TXNRD3: variants seen among roughly 807,000 people sequenced by gnomAD.
TXNRD3 encodes thioredoxin reductase 3, also known as TXNRD3 neighbor gene protein.
TXNRD3 carries 68 observed loss-of-function variants against 78.2 expected under a neutral mutation model. The ratio of observed to expected loss-of-function variants is 0.87; its 90% confidence interval spans 0.72 to 1.06. The LOEUF (loss-of-function observed/expected upper bound fraction) is 1.06. TXNRD3 is among the 50% of genes least tolerant of loss of function. TXNRD3 has a pLI of 0.00. For missense variants in TXNRD3, 751 were observed against 809.5 expected, an observed-to-expected ratio of 0.93 and a Z score of 0.88; for synonymous variants, 296 against 300.1, an observed-to-expected ratio of 0.99 and a Z score of 0.14.
chr3:126,615,086 TG>T (rs893811213), intron 13 of TXNRD3, among the ~76,000 whole-genome samples: 6 of 152,242 alleles, frequency 3.9e-5, no homozygotes, highest in African/African-American at 1.4e-4. Context: ...TGAGCTTCCT[TG>T]TACAAGTTTG....
At chr3:126,638,775 A>G (rs527557308) in intron 6 of TXNRD3, among the ~76,000 whole-genome samples, 1 of 152,194 alleles carries the variant, frequency 6.6e-6, no homozygotes, top group African/African-American at 2.4e-5. Context: ...TATAGGGGGA[A>G]CTTTGAGGAA....
chr3:126,642,253 G>A, intron 5 of TXNRD3, 102 bp from the exon 6 acceptor site: 4 of 1,350,204 alleles, frequency 3.0e-6, no homozygotes, highest in South Asian at 3.4e-5. Context: ...CTCAATGGTG[G>A]GGGGGATGAC....
At position 126,607,909 on chromosome 3, in the gene TXNRD3, C is replaced by A; in HGVS notation, c.1928G>T (p.Gly643Val). The A allele has an allele frequency of 6.6e-7, 1 of 1,514,208 alleles. No homozygotes were observed. The highest frequency in any genetic ancestry group is 8.9e-7 in the Non-Finnish European group (1 of 1,129,838). The allele number at this position is 1,514,208 out of a possible 1,614,324, so 93.8% of individuals were successfully genotyped here. A position where few individuals can be genotyped will look rare whatever the true frequency, so the allele number is the denominator to read the frequency against. Residue 643 changes from glycine to valine, a missense_variant, in exon 16 of 16, where the codon GGC (glycine) becomes GTC (valine). Physicochemically the swap from Gly to Val is moderately radical, Grantham distance 109. Transcript: ENST00000524230. ...GAGAACTAAACAGCAGCAGGCCTAG[C>A]CTCAGCAGCCTTTCTGAGTGATGTC...
intron 6 of TXNRD3, among the ~76,000 whole-genome samples, chr3:126,641,170 A>C (rs1171628813): frequency 1.9e-4 from 29 of 152,156 alleles, no homozygotes; most frequent in Non-Finnish European, 4.4e-5. Flanking sequence ...TATGGCACAC[A>C]TATTCCAGCT....
intron 9 of TXNRD3, among the ~76,000 whole-genome samples, chr3:126,630,031 G>C (rs1411026139): frequency 6.6e-6 from 1 of 152,188 alleles, no homozygotes; most frequent in African/African-American, 2.4e-5. Flanking sequence ...AGTGAAGAGG[G>C]ACCCAGAGGA....
At chr3:126,626,938 AT>A (rs1938592580) in intron 10 of TXNRD3, among the ~76,000 whole-genome samples, 1 of 152,054 alleles carries the variant, frequency 6.6e-6, no homozygotes, top group Non-Finnish European at 1.5e-5. Context: ...AAAAAAAAAA[AT>A]TAGCCAGGCA....
chr3:126,610,568 G>A (rs1576278536), intron 14 of TXNRD3, among the ~76,000 whole-genome samples: 1 of 152,262 alleles, frequency 6.6e-6, no homozygotes, highest in South Asian at 2.1e-4. Context: ...TCCATCTAAA[G>A]ACTTTTGACA....
At chr3:126,649,898 G>GA (rs1933331441) in intron 1 of TXNRD3, among the ~76,000 whole-genome samples, 1 of 152,190 alleles carries the variant, frequency 6.6e-6, no homozygotes, top group Non-Finnish European at 1.5e-5. Flanking sequence ...TTGGGAAGAT[G>GA]AAAAAGTTCT....
chr3:126,651,838 C>G (rs980988544), intron 1 of TXNRD3, among the ~76,000 whole-genome samples: 1 of 152,036 alleles, frequency 6.6e-6, no homozygotes, highest in African/African-American at 2.4e-5. Flanking sequence ...AAGTAGACGT[C>G]AAGAATGTAG....
intron 4 of TXNRD3, 83 bp from the exon 5 acceptor site, chr3:126,644,136 G>T: frequency 1.4e-6 from 2 of 1,450,404 alleles, no homozygotes; most frequent in Non-Finnish European, 1.9e-6. Flanking sequence ...TTCCGTAAAA[G>T]ACTGTTTTTG....
intron 1 of TXNRD3, among the ~76,000 whole-genome samples, chr3:126,652,012 T>C (rs1323891350): frequency 1.3e-5 from 2 of 152,228 alleles, no homozygotes; most frequent in Non-Finnish European, 2.9e-5. Context: ...AGTTAATGAA[T>C]AGATCCTTGT....
In TXNRD3 at chr3:126,655,097, G is replaced by A. The variant is rs765079022; in HGVS notation, c.-107C>T. ...GGGGCGGCGAACGCTGCCCTCGCTGGCCACTCTCACCACCCGCGCGAATCC... is the reference window on the plus strand; with the variant it reads ...GGGGCGGCGAACGCTGCCCTCGCTGACCACTCTCACCACCCGCGCGAATCC... On this transcript the variant is annotated 5_prime_UTR_variant, in exon 1 of 16. Coordinates refer to ENST00000524230, the MANE Select transcript of TXNRD3 (RefSeq NM_052883.3). 6.1e-6 allele frequency: 8 copies of A among 1,303,438 alleles called. No individual in the cohort carries two copies. In the South Asian group the frequency reaches 1.6e-4, roughly 27 times the overall value. The allele number at this position is 1,303,438 out of a possible 1,614,324, so 80.7% of individuals were successfully genotyped here. A position where few individuals can be genotyped will look rare whatever the true frequency, so the allele number is the denominator to read the frequency against.
chr3:126,654,946 G>C lies in TXNRD3; in HGVS notation c.45C>G (p.Gly15=). 2.3e-6 allele frequency: 3 copies of C among 1,295,852 alleles called. No individual in the cohort carries two copies. The highest frequency in any genetic ancestry group is 2.9e-6 in the Non-Finnish European group (3 of 1,027,636). The allele number at this position is 1,295,852 out of a possible 1,614,324, so 80.3% of individuals were successfully genotyped here. The change falls in exon 1 of 16, where the codon GGC becomes GGG. Residue 15 remains glycine (G), a synonymous_variant. Transcript: ENST00000524230. ...GGCCCGAGCGGCGGTTGGGGGCATC[G>C]CCCGCCTTTCCCGGCCCGGGCGACT...
chr3:126,645,050 C>T (rs746865171), intron 3 of TXNRD3, among the ~76,000 whole-genome samples: 2 of 152,238 alleles, frequency 1.3e-5, no homozygotes, highest in Non-Finnish European at 2.9e-5. Flanking sequence ...TGCTCACTCC[C>T]ATTACCTTGG....
intron 9 of TXNRD3, 71 bp downstream of exon 9, chr3:126,630,641 A>G (rs1938687529): frequency 7.2e-7 from 1 of 1,387,040 alleles, no homozygotes; most frequent in Non-Finnish European, 9.8e-7. Context: ...TAATTTATGT[A>G]ATGAAATGAA....
At position 126,614,489 on chromosome 3, in the gene TXNRD3, C is replaced by CA. The variant is rs574449718; in HGVS notation, c.1632+865dup. Reference sequence around the variant, plus strand: ...ACTATCATCAATTTTCCAAGACCCACATAAAGACCAACCAATGCAAAAAGG... The same window carrying CA: ...ACTATCATCAATTTTCCAAGACCCACAATAAAGACCAACCAATGCAAAAAGG... On this transcript the variant is annotated intron_variant, in intron 13 of 15. Coordinates refer to ENST00000524230, the MANE Select transcript of TXNRD3 (RefSeq NM_052883.3). Among the ~76,000 whole-genome samples the CA allele has an allele frequency of 3.3e-3, 509 of 152,260 alleles. 5 individuals are homozygous for CA. The highest frequency in any genetic ancestry group is 0.012 in the African/African-American group (489 of 41,550).
intron 3 of TXNRD3, among the ~76,000 whole-genome samples, chr3:126,645,404 TA>T (rs1428247551): frequency 1.3e-5 from 2 of 152,228 alleles, no homozygotes; most frequent in Admixed American, 1.3e-4. Context: ...CTATGTGAAC[TA>T]GGTTATAAAT....
intron 5 of TXNRD3, among the ~76,000 whole-genome samples, chr3:126,643,773 T>A (rs1485919626): frequency 1.3e-5 from 2 of 152,138 alleles, no homozygotes; most frequent in Non-Finnish European, 2.9e-5. Flanking sequence ...TCTCACTATA[T>A]TTCCGGGCTA....
chr3:126,649,294 T>C (rs1172124121), intron 1 of TXNRD3, among the ~76,000 whole-genome samples: 1 of 152,216 alleles, frequency 6.6e-6, no homozygotes, highest in African/African-American at 2.4e-5. Flanking sequence ...ACCACAATAA[T>C]ACTTCACATC....
Sources: allele counts gnomAD v4.1 joint callset (sites outside exome capture counted in the v4.1 genomes callset), GRCh38; gene constraint gnomAD v4.1.1; transcripts MANE v1.5; gene names NCBI Gene and HGNC (gene_info 2026-07-23, HGNC 2026-07-21).